OSBPL10: variants seen among roughly 807,000 people sequenced by gnomAD.
The protein encoded by OSBPL10 is oxysterol binding protein like 10.
OSBPL10 carries 49 observed loss-of-function variants against 81.7 expected under a neutral mutation model. That is an observed-to-expected ratio of 0.60 (90% confidence interval 0.48 to 0.76). The LOEUF (loss-of-function observed/expected upper bound fraction) is 0.76. Ranked by LOEUF, OSBPL10 falls within the 30% of genes least tolerant of loss-of-function variation. The pLI, the probability that OSBPL10 is intolerant of heterozygous loss-of-function variation, is 0.00. For synonymous variants in OSBPL10, 419 were observed against 383.6 expected, an observed-to-expected ratio of 1.09 and a Z score of -1.08; for missense variants, 923 against 987.8, an observed-to-expected ratio of 0.93 and a Z score of 0.88.
intron 3 of OSBPL10, among the ~76,000 whole-genome samples, chr3:31,866,518 C>A (rs76443328): frequency 1.3e-5 from 2 of 152,170 alleles, no homozygotes; most frequent in African/African-American, 4.8e-5. Context: ...GGGTGCCAAG[C>A]CAGCCCATTT....
intron 1 of OSBPL10, among the ~76,000 whole-genome samples, chr3:31,952,641 A>T (rs1220758913): frequency 6.6e-6 from 1 of 152,234 alleles, no homozygotes. Context: ...CGAAAGGATC[A>T]GAGGGAACAC....
rs1012131595 is a variant in OSBPL10, at chr3:31,725,354, C to T, written c.1095+7903G>A. Among the ~76,000 whole-genome samples the T allele has an allele frequency of 1.4e-4, 21 of 152,226 alleles. No individual in the cohort carries two copies. The East Asian group carries it at 2.5e-3, about 18-fold the overall frequency. ...TCCTAAGGGTCTGATAGCTAGAAGG[C>T]ATATCTTCTACATTTGCCTAAAGGA... On this transcript the variant is annotated intron_variant, in intron 6 of 11. Coordinates refer to ENST00000396556, the MANE Select transcript of OSBPL10 (RefSeq NM_017784.5).
At chr3:31,744,537 C>CAAAAA (rs58546446) in intron 5 of OSBPL10, among the ~76,000 whole-genome samples, 4,457 of 96,158 alleles carry the variant, frequency 0.046, 393 homozygotes, top group African/African-American at 0.16. Flanking sequence ...GACTCCGTCT[C>CAAAAA]AAAAAAAAAA....
chr3:31,966,438 A>G (rs1018747990), intron 1 of OSBPL10, among the ~76,000 whole-genome samples: 10 of 151,802 alleles, frequency 6.6e-5, no homozygotes, highest in African/African-American at 2.4e-4. Flanking sequence ...AAAAAATATT[A>G]GAATAGAAAT....
At chr3:31,704,460 G>C (rs191520948) in intron 6 of OSBPL10, among the ~76,000 whole-genome samples, 4 of 152,364 alleles carry the variant, frequency 2.6e-5, no homozygotes, top group African/African-American at 9.6e-5. Flanking sequence ...TGGGCATTCT[G>C]CTTTGGGAAG....
At chr3:32,062,979 C>G (rs1699759574) in intron 1 of OSBPL10, among the ~76,000 whole-genome samples, 1 of 93,690 alleles carries the variant, frequency 1.1e-5, no homozygotes, top group African/African-American at 2.7e-5. Flanking sequence ...CTGATATTGT[C>G]ATGTATCTTG....
chr3:32,004,280 G>T (rs1265840973), intron 2 of OSBPL10, among the ~76,000 whole-genome samples: 5 of 152,148 alleles, frequency 3.3e-5, no homozygotes, highest in African/African-American at 9.7e-5. Context: ...CCTGAGGGCA[G>T]TGTGGACCTG....
chr3:32,028,382 A>G (rs373237906), intron 2 of OSBPL10, among the ~76,000 whole-genome samples: 1 of 152,204 alleles, frequency 6.6e-6, no homozygotes, highest in Non-Finnish European at 1.5e-5. Context: ...TCTCTATCTC[A>G]GTAAACAGTA....
chr3:31,677,049 C>G (rs570908690), intron 8 of OSBPL10, among the ~76,000 whole-genome samples: 2 of 152,162 alleles, frequency 1.3e-5, no homozygotes, highest in Non-Finnish European at 2.9e-5. Context: ...GATGAGCCCA[C>G]GTATTTACGT....
At chr3:32,023,380 A>C (rs1699375306) in intron 2 of OSBPL10, among the ~76,000 whole-genome samples, 1 of 152,016 alleles carries the variant, frequency 6.6e-6, no homozygotes. Flanking sequence ...CTCTTCCTTT[A>C]TCTTCCGCCA....
At chr3:31,928,762 C>CCAAAAAAAAAAAAAAAAAAAAAAAAAAAA (rs768296819) in intron 1 of OSBPL10, among the ~76,000 whole-genome samples, 1 of 95,064 alleles carries the variant, frequency 1.1e-5, no homozygotes, top group African/African-American at 3.2e-5. Flanking sequence ...GACTTGTCTC[C>CCAAAAAAAAAAAAAAAAAAAAAAAAAAAA]AAAAAAAAAA....
upstream of OSBPL10, among the ~76,000 whole-genome samples, chr3:31,984,842 G>A (rs1559542691): frequency 6.6e-6 from 1 of 152,186 alleles, no homozygotes; most frequent in Non-Finnish European, 1.5e-5. Context: ...CCTGTGCCCG[G>A]GAATGAACAA....
At chr3:31,829,990 A>C in intron 4 of OSBPL10, 50 bp downstream of exon 4, 1 of 1,527,452 alleles carries the variant, frequency 6.5e-7, no homozygotes, top group South Asian at 1.3e-5. Flanking sequence ...CGACTGTCAC[A>C]GCCCCCAACT....
intron 6 of OSBPL10, chr3:31,714,472 G>C (rs1696368415): frequency 6.5e-6 from 1 of 152,868 alleles, no homozygotes. Context: ...TGGAGTGAGA[G>C]GCAAAATGGA....
At chr3:31,939,285 C>A (rs546894897) in intron 1 of OSBPL10, among the ~76,000 whole-genome samples, 9 of 151,574 alleles carry the variant, frequency 5.9e-5, no homozygotes, top group South Asian at 2.1e-4. Context: ...GCTGGGACTA[C>A]GGGCGCATGC....
chr3:31,785,504 T>C (rs1193785113), intron 4 of OSBPL10, among the ~76,000 whole-genome samples: 1 of 152,142 alleles, frequency 6.6e-6, no homozygotes, highest in Non-Finnish European at 1.5e-5. Flanking sequence ...GTCTTAAAGC[T>C]GTTTCAGTAA....
chr3:31,874,239 T>A (rs1203435780), intron 3 of OSBPL10, among the ~76,000 whole-genome samples: 1 of 152,088 alleles, frequency 6.6e-6, no homozygotes, highest in Non-Finnish European at 1.5e-5. Flanking sequence ...AAATTCCAGA[T>A]GAATCAGTGA....
At chr3:31,774,048 GC>G (rs1389633506) in intron 4 of OSBPL10, among the ~76,000 whole-genome samples, 1 of 151,880 alleles carries the variant, frequency 6.6e-6, no homozygotes, top group Non-Finnish European at 1.5e-5. Flanking sequence ...TGTAATCCCA[GC>G]TACTCAGGAG....
intron 1 of OSBPL10, among the ~76,000 whole-genome samples, chr3:31,896,560 C>T (rs1021590259): frequency 1.3e-5 from 2 of 152,154 alleles, no homozygotes; most frequent in African/African-American, 2.4e-5. Context: ...AAGTGGTTCC[C>T]GATTGCAGGG....
Sources: allele counts gnomAD v4.1 joint callset (sites outside exome capture counted in the v4.1 genomes callset), GRCh38; gene constraint gnomAD v4.1.1; transcripts MANE v1.5; gene names NCBI Gene and HGNC (gene_info 2026-07-23, HGNC 2026-07-21).